PECR: variants seen among roughly 807,000 people sequenced by gnomAD.
PECR encodes peroxisomal trans-2-enoyl-CoA reductase.
In PECR, 30 loss-of-function variants were observed where a neutral mutation model predicts 35.3. The ratio of observed to expected loss-of-function variants is 0.85; its 90% CI spans 0.64 to 1.15. PECR has a LOEUF of 1.15. PECR is among the 50% of genes most tolerant of loss of function. PECR has a pLI of 0.00. For missense variants in PECR, 392 were observed against 370.8 expected (o/e 1.06, Z -0.47); for synonymous variants, 148 against 138.9 (o/e 1.07, Z -0.46).
intron 3 of PECR, among the ~76,000 whole-genome samples, chr2:216,061,129 C>CA (rs151215904): frequency 0.012 from 619 of 52,394 alleles, 14 homozygotes; most frequent in Non-Finnish European, 0.015. Context: ...CCGGCTCTAC[C>CA]AAAAAAAAAA....
At chr2:216,042,992 CAT>C (rs1694917461) in intron 7 of PECR, among the ~76,000 whole-genome samples, 1 of 116,002 alleles carries the variant, frequency 8.6e-6, no homozygotes, top group African/African-American at 3.4e-5. Context: ...TATATATATA[CAT>C]ACGTATATGT....
chr2:216,031,457 G>GAGAA (rs1274456248), intron 7 of PECR, among the ~76,000 whole-genome samples: 3,281 of 117,602 alleles, frequency 0.028, 114 homozygotes, highest in African/African-American at 0.087. Flanking sequence ...GAAAGAAAGA[G>GAGAA]AGAAAGAAAG....
Position 216,038,490 on chromosome 2 carries a change from C to T in PECR, c.*785G>A, listed in dbSNP as rs1027493098. On this transcript the variant is annotated 3_prime_UTR_variant, in exon 8 of 8. Transcript: ENST00000265322. Reference sequence around the variant, plus strand: ...CAATAATTACCATAAGGCATTATTGCTCCTAAAGTATTTGCCACCAAAAAT... The same window carrying T: ...CAATAATTACCATAAGGCATTATTGTTCCTAAAGTATTTGCCACCAAAAAT... 1 of 152,206 alleles carries T rather than the reference C, an allele frequency of 6.6e-6. No homozygotes were observed. Among genetic ancestry groups the T allele is most frequent in the Admixed American group, 6.5e-5 (1 of 15,284 alleles). 9.4% of individuals were successfully genotyped at this position (152,206 alleles called of 1,614,324 possible).
intron 1 of PECR, among the ~76,000 whole-genome samples, chr2:216,076,911 T>C (rs1395508568): frequency 6.6e-6 from 1 of 151,522 alleles, no homozygotes; most frequent in Admixed American, 6.6e-5. Flanking sequence ...ACTTTTTTTT[T>C]TTTTTTTGAG....
chr2:216,040,483 G>A (rs891929683), intron 7 of PECR, among the ~76,000 whole-genome samples: 10 of 152,106 alleles, frequency 6.6e-5, no homozygotes, highest in Non-Finnish European at 1.5e-4. Flanking sequence ...TGAATTCCTG[G>A]GATCAAGCAA....
intron 4 of PECR, among the ~76,000 whole-genome samples, chr2:216,054,364 T>C (rs13390097): frequency 0.12 from 15,937 of 137,956 alleles, 1,303 homozygotes; most frequent in African/African-American, 0.22. Context: ...TAAGTTCTTT[T>C]TTCTTTCTTT....
At chr2:216,073,060 G>A (rs1393010759) in intron 1 of PECR, among the ~76,000 whole-genome samples, 2 of 152,190 alleles carry the variant, frequency 1.3e-5, no homozygotes, top group Non-Finnish European at 2.9e-5. Flanking sequence ...TGTGCAATCT[G>A]AGGGTTTTAT....
intron 7 of PECR, among the ~76,000 whole-genome samples, chr2:216,031,965 G>A (rs1333022008): frequency 1.3e-5 from 2 of 152,140 alleles, no homozygotes; most frequent in Non-Finnish European, 2.9e-5. Context: ...TTTTTAAAAG[G>A]CTTCAGTAAA....
chr2:216,080,149 T>G (rs1198816564), intron 1 of PECR, among the ~76,000 whole-genome samples: 1 of 151,926 alleles, frequency 6.6e-6, no homozygotes, highest in Non-Finnish European at 1.5e-5. Context: ...TGGCTTGACG[T>G]CAGCTCATTG....
chr2:216,046,320 T>TG (rs1277225091), intron 6 of PECR, among the ~76,000 whole-genome samples: 27 of 134,052 alleles, frequency 2.0e-4, no homozygotes, highest in African/African-American at 7.7e-4. Flanking sequence ...ATTTTTTTTT[T>TG]TTTTTTTTTT....
At chr2:216,056,445 G>T (rs1242353574) in intron 4 of PECR, among the ~76,000 whole-genome samples, 2 of 152,120 alleles carry the variant, frequency 1.3e-5, no homozygotes, top group Non-Finnish European at 2.9e-5. Flanking sequence ...TATCAGCCGG[G>T]TGTGGTGGCT....
intron 1 of PECR, among the ~76,000 whole-genome samples, chr2:216,067,553 TTTTC>T (rs1439639368): frequency 6.6e-6 from 1 of 151,384 alleles, no homozygotes; most frequent in Non-Finnish European, 1.5e-5. Context: ...TATACATATT[TTTTC>T]TTTTTCTTTT....
intron 3 of PECR, among the ~76,000 whole-genome samples, chr2:216,063,224 C>T (rs375196383): frequency 1.3e-5 from 2 of 151,926 alleles, no homozygotes; most frequent in African/African-American, 2.4e-5. Context: ...TTTTAAGGGC[C>T]GCATAGTTCT....
intron 7 of PECR, among the ~76,000 whole-genome samples, chr2:216,040,666 C>G (rs1396893635): frequency 3.9e-5 from 6 of 152,120 alleles, no homozygotes; most frequent in Admixed American, 3.9e-4. Flanking sequence ...GTCAGGAGTT[C>G]GAGACTAGCC....
At chr2:216,043,309 T>C (rs555700846) in intron 7 of PECR, among the ~76,000 whole-genome samples, 1 of 151,754 alleles carries the variant, frequency 6.6e-6, no homozygotes, top group Non-Finnish European at 1.5e-5. Context: ...GGGGTTTCAC[T>C]GTGTTAACCA....
chr2:216,071,504 T>C (rs543822072), intron 1 of PECR, among the ~76,000 whole-genome samples: 1 of 152,220 alleles, frequency 6.6e-6, no homozygotes, highest in Non-Finnish European at 1.5e-5. Context: ...CATTAAATGT[T>C]ATGGGTTGTG....
chr2:216,061,061 G>A (rs1695335426), intron 3 of PECR, among the ~76,000 whole-genome samples: 1 of 149,226 alleles, frequency 6.7e-6, no homozygotes, highest in Non-Finnish European at 1.5e-5. Context: ...AGAGGCAGAG[G>A]CGGATGGATG....
At chr2:216,050,900 A>T (rs1695101396) in intron 5 of PECR, 2 of 120,850 alleles carry the variant, frequency 1.7e-5, no homozygotes, top group African/African-American at 6.8e-5. Flanking sequence ...GACTCCTTCT[A>T]AAAAAAAAAA....
intron 4 of PECR, among the ~76,000 whole-genome samples, chr2:216,052,177 C>T (rs1287879905): frequency 6.6e-6 from 1 of 152,176 alleles, no homozygotes; most frequent in Non-Finnish European, 1.5e-5. Context: ...CAGAATGAGA[C>T]TCCATCTCAA....
Sources: allele counts gnomAD v4.1 joint callset (sites outside exome capture counted in the v4.1 genomes callset), GRCh38; gene constraint gnomAD v4.1.1; transcripts MANE v1.5; gene names NCBI Gene and HGNC (gene_info 2026-07-23, HGNC 2026-07-21).